Variants in ADCY6 observed in about 807,000 individuals in gnomAD.
ADCY6 encodes adenylate cyclase type 6.
A neutral mutation model predicts 111.6 loss-of-function variants in ADCY6; 59 were observed. The ratio of observed to expected loss-of-function variants is 0.53; its 90% confidence interval spans 0.43 to 0.66. The LOEUF is 0.66. Among genes scored for constraint, ADCY6 ranks in the 30% least tolerant of loss-of-function variants. ADCY6 has a pLI of 0.00. For synonymous variants in ADCY6, 576 were observed against 642.9 expected (o/e 0.90, Z 1.57); for missense variants, 1,242 against 1,595.6 (o/e 0.78, Z 3.78).
rs1463853804 is a variant in ADCY6 at position 48,767,784 on chromosome 12, T to A, written c.*807A>T. On this transcript the variant is annotated 3_prime_UTR_variant, in exon 22 of 22. Transcript: ENST00000357869. ...GGCACTGCCCCAGCCCTGGCCGGCC[T>A]GCTCTTTGGCACCTGCAGGTGAACT... 6.5e-6 allele frequency: 1 copy of A among 152,978 alleles called. No individual in the cohort carries two copies. Among genetic ancestry groups the A allele is most frequent in the Non-Finnish European group, 1.5e-5 (1 of 68,332 alleles). 9.5% of individuals were successfully genotyped at this position (152,978 alleles called of 1,614,324 possible). A position where few individuals can be genotyped will look rare whatever the true frequency, so the allele number is the denominator to read the frequency against.
chr12:48,778,796 T>C (rs2137371011), intron 2 of ADCY6, among the ~76,000 whole-genome samples: 2 of 152,234 alleles, frequency 1.3e-5, no homozygotes, highest in Middle Eastern at 6.8e-3. Flanking sequence ...TTGTCATTAT[T>C]ATTATGGTAG....
chr12:48,789,157 T>A (rs1942040082), upstream of ADCY6: 1 of 152,298 alleles, frequency 6.6e-6, no homozygotes, highest in African/African-American at 2.4e-5. Flanking sequence ...CAAGCTCCTT[T>A]TGTCTGGGCA....
In ADCY6 at chr12:48,775,714, G is replaced by T. The variant is rs747051765; in HGVS notation, c.1807-16C>A. On this transcript the variant is annotated splice_polypyrimidine_tract_variant and intron_variant, in intron 9 of 21. Coordinates refer to ENST00000357869, the MANE Select transcript of ADCY6 (RefSeq NM_015270.5). Reference sequence around the variant, plus strand: ...CATCAATGCCCTGGAGAAAGGGACAGAGTGTGGAGTGAGGTGAAGGGCCAA... The same window carrying T: ...CATCAATGCCCTGGAGAAAGGGACATAGTGTGGAGTGAGGTGAAGGGCCAA... 1 of 1,612,840 alleles carries T rather than the reference G, an allele frequency of 6.2e-7. No individual in the cohort carries two copies. The highest frequency in any genetic ancestry group is 8.5e-7 in the Non-Finnish European group (1 of 1,179,098).
chr12:48,779,255 A>G (rs1469350060), intron 2 of ADCY6, among the ~76,000 whole-genome samples: 1 of 152,156 alleles, frequency 6.6e-6, no homozygotes, highest in Non-Finnish European at 1.5e-5. Flanking sequence ...TAAGGGAATG[A>G]GGCACAGAGA....
intron 16 of ADCY6, among the ~76,000 whole-genome samples, chr12:48,772,829 T>C (rs1282849275): frequency 6.6e-6 from 1 of 152,184 alleles, no homozygotes; most frequent in Admixed American, 6.5e-5. Flanking sequence ...ATAATGTATG[T>C]AAAAGGCTTA....
At chr12:48,780,811 G>A (rs769119074) in intron 2 of ADCY6, among the ~76,000 whole-genome samples, 10 of 152,334 alleles carry the variant, frequency 6.6e-5, no homozygotes, top group South Asian at 4.1e-4. Context: ...GGGGCAGAAG[G>A]ACCTGGCCCT....
rs369605957 is a variant in ADCY6 at position 48,783,359 on chromosome 12, T to G, written c.76A>C (p.Lys26Gln). The change falls in exon 2 of 22, where the codon AAG (lysine) becomes CAG (glutamine). Residue 26 changes from lysine (K) to glutamine (Q), a missense_variant. Around this residue, in one of 4 missense-constraint regions of ADCY6, gnomAD observed 362 missense variants for 377.2 expected, o/e 0.96. Coordinates refer to ENST00000357869, the MANE Select transcript of ADCY6 (RefSeq NM_015270.5). ...KTAWGERNGQKRSRRRGTRAG... is the reference protein window; with the variant it reads ...KTAWGERNGQQRSRRRGTRAG... ...CGAGTGCCACGGCGCCGCGAACGCT[T>G]CTGCCCATTGCGTTCACCCCAGGCT... The G allele has an allele frequency of 6.2e-7, 1 of 1,614,210 alleles. No individual in the cohort carries two copies. The highest frequency in any genetic ancestry group is 8.5e-7 in the Non-Finnish European group (1 of 1,180,030).
rs764863880 is a variant in ADCY6, at chr12:48,778,231, G to A, written c.891C>T (p.Leu297=). 7.5e-5 allele frequency: 121 copies of A among 1,614,050 alleles called. No individual in the cohort carries two copies. The Admixed American group carries it at 2.0e-3, about 26-fold the overall frequency. ...KQLGANVLLF[L]CTNVIGICTH... ...TGCAGATGCCAATGACGTTGGTGCAGAGGAACAGCAGCACATTGGCACCGA... is the reference window on the plus strand; with the variant it reads ...TGCAGATGCCAATGACGTTGGTGCAAAGGAACAGCAGCACATTGGCACCGA... Residue 297 remains leucine (L), a synonymous_variant, in exon 3 of 22, where the codon CTC becomes CTT. Transcript: ENST00000357869.
At position 48,773,552 on chromosome 12, in the gene ADCY6, C is replaced by A; in HGVS notation, c.2538G>T (p.Gly846=). 6.2e-7 allele frequency: 1 copy of A among 1,614,094 alleles called. No homozygotes were observed. Among genetic ancestry groups the A allele is most frequent in the Admixed American group, 1.7e-5 (1 of 60,014 alleles). Residue 846 remains glycine, a synonymous_variant, in exon 16 of 22, where the codon GGG becomes GGT. Transcript: ENST00000357869. The stretch of plus-strand genomic sequence containing the variant: ...GCAGAAGCAGCACCAAATAGATGAG[C>A]CCCAAGACAAAGATCATGGCCAACT... ...IGKLAMIFVL[G]LIYLVLLLLG...
Position 48,782,645 on chromosome 12 carries a change from C to CGCTGAG in ADCY6, c.784_789dup (p.Leu262_Ser263dup). On this transcript the variant is annotated inframe_insertion, in exon 2 of 22. Transcript: ENST00000357869. This position sits in a 1 kb window ranked among gnomAD's most constrained non-coding sequence, Gnocchi z 4.3. ...AAATGCAAGGTGGAGAGGCCCAGGC[C>CGCTGAG]GCTGAGGACGGCAGCCCGCATGCGG... is the stretch of plus-strand genomic sequence containing the variant. 2 of 1,606,396 alleles carry CGCTGAG rather than the reference C, an allele frequency of 1.2e-6. No individual in the cohort carries two copies. Among genetic ancestry groups the CGCTGAG allele is most frequent in the South Asian group, 2.2e-5 (2 of 89,962 alleles).
Position 48,768,610 on chromosome 12 carries a change from T to A in ADCY6, c.3488A>T (p.Asn1163Ile). The change falls in exon 22 of 22, where the codon AAT becomes ATT. Residue 1163 changes from asparagine to isoleucine, a missense_variant. Physicochemically the swap from Asn to Ile is moderately radical, Grantham distance 149. This residue lies in a region of ADCY6 where 245 missense variants were observed against 371.3 expected (regional missense o/e 0.66). Coordinates refer to ENST00000357869, the MANE Select transcript of ADCY6 (RefSeq NM_015270.5). ...GKGEMTTYFL[N>I]GGPSS Reference sequence around the variant, plus strand: ...GCCCTGTTAACTGCTGGGGCCCCCATTGAGGAAGTAGGTGGTCATCTCCCC... The same window carrying A: ...GCCCTGTTAACTGCTGGGGCCCCCAATGAGGAAGTAGGTGGTCATCTCCCC... 6.2e-7 allele frequency: 1 copy of A among 1,614,052 alleles called. No individual in the cohort carries two copies. Among genetic ancestry groups the A allele is most frequent in the Non-Finnish European group, 8.5e-7 (1 of 1,179,976 alleles).
Position 48,776,055 on chromosome 12 carries a change from T to G in ADCY6, c.1714A>C (p.Thr572Pro). ...EKAMLAKLQR[T>P]RANSMEGLMP... The stretch of plus-strand genomic sequence containing the variant: ...AGCCCTTCCATGGAGTTGGCCCGAG[T>G]CCGCTGCAGCTTGGCCAGCATGGCC... Residue 572 changes from threonine to proline, a missense_variant, in exon 9 of 22, where the codon ACT becomes CCT. This residue lies in a region of ADCY6 where 375 missense variants were observed against 432.5 expected (regional missense o/e 0.87). Transcript: ENST00000357869. The surrounding 1 kb of genome is among the most constrained non-coding windows in gnomAD (Gnocchi z 6.1). 1.9e-6 allele frequency: 3 copies of G among 1,613,518 alleles called. No individual in the cohort carries two copies. The highest frequency in any genetic ancestry group is 2.5e-6 in the Non-Finnish European group (3 of 1,179,730).
At chr12:48,778,717 A>C (rs889729271) in intron 2 of ADCY6, among the ~76,000 whole-genome samples, 28 of 152,140 alleles carry the variant, frequency 1.8e-4, no homozygotes, top group Admixed American at 1.8e-3. Context: ...CTATAACCCA[A>C]AGAGGAAGAA....
Position 48,771,664 on chromosome 12 carries a change from C to T in ADCY6, c.3051+46G>A, listed in dbSNP as rs898138570. ...CTCACCCATTCCAATCCCTGGTCTC[C>T]AAGTACCCCCCACTCTCTGCCACCA... On this transcript the variant is annotated intron_variant, in intron 19 of 21. Coordinates refer to ENST00000357869, the MANE Select transcript of ADCY6 (RefSeq NM_015270.5). This position sits in a 1 kb window ranked among gnomAD's most constrained non-coding sequence, Gnocchi z 4.3. 42 of 1,611,264 alleles carry T rather than the reference C, an allele frequency of 2.6e-5. No individual in the cohort carries two copies. Among genetic ancestry groups the T allele is most frequent in the Non-Finnish European group, 3.3e-5 (39 of 1,179,920 alleles).
At position 48,771,706 on chromosome 12, in the gene ADCY6, G is replaced by C. The variant is rs1860236196; in HGVS notation, c.3051+4C>G. 14 of 1,613,802 alleles carry C rather than the reference G, an allele frequency of 8.7e-6. No individual in the cohort carries two copies. The highest frequency in any genetic ancestry group is 1.2e-5 in the Non-Finnish European group (14 of 1,180,036). ...CTGCCACCACCAGCCAACTGGAAAA[G>C]TACCTCATCAAAGTCAGCGATGATC... On this transcript the variant is annotated splice_donor_region_variant and intron_variant, in intron 19 of 21. Coordinates refer to ENST00000357869, the MANE Select transcript of ADCY6 (RefSeq NM_015270.5). This position sits in a 1 kb window ranked among gnomAD's most constrained non-coding sequence, Gnocchi z 4.3.
At position 48,771,412 on chromosome 12, in the gene ADCY6, A is replaced by G; in HGVS notation, c.3051+298T>C. On this transcript the variant is annotated intron_variant, in intron 19 of 21. Transcript: ENST00000357869. The surrounding 1 kb of genome is among the most constrained non-coding windows in gnomAD (Gnocchi z 4.3). ...TGGTTGGTCTCATGAGGTTCTGTCC[A>G]CAGACTATTGCCTTCTTCTTCAGTG... The G allele has an allele frequency of 1.9e-6, 1 of 540,084 alleles. No homozygotes were observed. Among genetic ancestry groups the G allele is most frequent in the Non-Finnish European group, 3.4e-6 (1 of 297,354 alleles). 33.5% of individuals were successfully genotyped at this position (540,084 alleles called of 1,614,324 possible). A position where few individuals can be genotyped will look rare whatever the true frequency, so the allele number is the denominator to read the frequency against.
In ADCY6 at chr12:48,766,458, G is replaced by C. The variant is rs1240451220; in HGVS notation, c.*2133C>G. 1 of 152,666 alleles carries C rather than the reference G, an allele frequency of 6.6e-6. No individual in the cohort carries two copies. The highest frequency in any genetic ancestry group is 1.5e-5 in the Non-Finnish European group (1 of 68,124). 9.5% of individuals were successfully genotyped at this position (152,666 alleles called of 1,614,324 possible). A position where few individuals can be genotyped will look rare whatever the true frequency, so the allele number is the denominator to read the frequency against. ...CAAGAAGCAGAGACAAGCCACCCAA[G>C]GCTGAGGTCTTCCCACTCTGATCTA... is the stretch of plus-strand genomic sequence containing the variant. On this transcript the variant is annotated 3_prime_UTR_variant, in exon 22 of 22. Coordinates refer to ENST00000357869, the MANE Select transcript of ADCY6 (RefSeq NM_015270.5).
At chr12:48,773,189 G>A (rs1256406364) in intron 16 of ADCY6, among the ~76,000 whole-genome samples, 3 of 152,188 alleles carry the variant, frequency 2.0e-5, no homozygotes, top group African/African-American at 7.2e-5. Context: ...TGTCCTATAG[G>A]TGGTTAAGAT....
chr12:48,778,872 A>AT (rs1037254707), intron 2 of ADCY6, among the ~76,000 whole-genome samples: 28,497 of 72,076 alleles, frequency 0.4, 11,007 homozygotes, highest in East Asian at 0.83. Context: ...TGAATAACAC[A>AT]TTTTTTTTTT....
Sources: gnomAD v4.1 joint callset for allele counts (sites outside exome capture counted in the v4.1 genomes callset) on GRCh38, gnomAD v4.1.1 for gene constraint, gnomAD v4.1.1 regional missense constraint, Gnocchi (gnomAD v3.1) non-coding constraint, MANE v1.5 for transcripts, NCBI Gene and HGNC (gene_info 2026-07-23, HGNC 2026-07-21) for gene names.